The following SPTB variants were observed in gnomAD, a reference collection of about 807,000 sequenced individuals.
SPTB encodes the protein spectrin beta chain, erythrocytic.
Under a neutral mutation model 256.2 loss-of-function variants are expected in SPTB, and 45 were observed. The observed-to-expected ratio is 0.18, with a 90% CI of 0.14 to 0.23. The LOEUF (loss-of-function observed/expected upper bound fraction) is 0.23, where lower values mean the gene tolerates loss of function less well. Among genes scored for constraint, SPTB ranks in the 10% least tolerant of loss-of-function variants. SPTB has a pLI of 1.00. For synonymous variants in SPTB, 1,231 were observed against 1,243.1 expected (o/e 0.99, Z 0.21); for missense variants, 2,715 against 3,040.4 (o/e 0.89, Z 2.52).
At chr14:64,822,909 T>G (rs1014127054) in intron 2 of SPTB, 38 bp downstream of exon 2, 24 of 1,612,090 alleles carry the variant, frequency 1.5e-5, no homozygotes, top group Non-Finnish European at 2.0e-5. Context: ...CTTGTGACTG[T>G]GAGAATGCCC....
Position 64,801,416 on chromosome 14 carries a change from G to A in SPTB, c.648-16C>T. Reference sequence around the variant, plus strand: ...CAGGTCGGGCCTGGGGACAAAACTGGACTGTGAAAAGGGAGTAGCCACAGC... The same window carrying A: ...CAGGTCGGGCCTGGGGACAAAACTGAACTGTGAAAAGGGAGTAGCCACAGC... On this transcript the variant is annotated splice_polypyrimidine_tract_variant and intron_variant, in intron 6 of 35. Coordinates refer to ENST00000644917, the MANE Select transcript of SPTB (RefSeq NM_001355436.2). 1 of 1,598,712 alleles carries A rather than the reference G, an allele frequency of 6.3e-7. No homozygotes were observed. The highest frequency in any genetic ancestry group is 1.1e-5 in the South Asian group (1 of 90,760).
intron 15 of SPTB, among the ~76,000 whole-genome samples, chr14:64,789,870 T>C (rs1256856003): frequency 6.6e-6 from 1 of 151,948 alleles, no homozygotes; most frequent in Non-Finnish European, 1.5e-5. Flanking sequence ...GGATTTGGAA[T>C]ATGTAGAGGG....
In SPTB at chr14:64,795,217, A is replaced by G. The variant is rs924759152; in HGVS notation, c.1644+120T>C. 2 of 1,211,530 alleles carry G rather than the reference A, an allele frequency of 1.7e-6. No individual in the cohort carries two copies. Among genetic ancestry groups the G allele is most frequent in the Admixed American group, 4.4e-5 (2 of 45,558 alleles). The allele number at this position is 1,211,530 out of a possible 1,614,324, so 75.0% of individuals were successfully genotyped here. A position where few individuals can be genotyped will look rare whatever the true frequency, so the allele number is the denominator to read the frequency against. ...GACACTTTGCTGCCTCAGTTTCTCTATTTTGACTCAGAGATATGACTGGCT... is the reference window on the plus strand; with the variant it reads ...GACACTTTGCTGCCTCAGTTTCTCTGTTTTGACTCAGAGATATGACTGGCT... On this transcript the variant is annotated intron_variant, in intron 12 of 35. Coordinates refer to ENST00000644917, the MANE Select transcript of SPTB (RefSeq NM_001355436.2). The surrounding 1 kb of genome is among the most constrained non-coding windows in gnomAD (Gnocchi z 6.5).
At position 64,793,777 on chromosome 14, in the gene SPTB, C is replaced by A; in HGVS notation, c.1886G>T (p.Arg629Leu). ...TTTGGACTGCTCCAGTTGGGCCTTC[C>A]GCCCAGCTGCCATGTTGCTCAGCTC... ...FEELSNMAAG[R>L]KAQLEQSKRL... The change falls in exon 14 of 36, where the codon CGG (arginine) becomes CTG (leucine). Residue 629 changes from arginine to leucine, a missense_variant. Transcript: ENST00000644917. This position sits in a 1 kb window ranked among gnomAD's most constrained non-coding sequence, Gnocchi z 7.0. 1 of 1,613,982 alleles carries A rather than the reference C, an allele frequency of 6.2e-7. No individual in the cohort carries two copies. Among genetic ancestry groups the A allele is most frequent in the Non-Finnish European group, 8.5e-7 (1 of 1,180,034 alleles).
At chr14:64,776,350 A>G (rs1741490) in intron 22 of SPTB, among the ~76,000 whole-genome samples, 26,797 of 152,164 alleles carry the variant, frequency 0.18, 2,426 homozygotes, top group African/African-American at 0.2. Flanking sequence ...ACAATTTCCT[A>G]TAGTCTCTGC....
At position 64,789,329 on chromosome 14, in the gene SPTB, G is replaced by A. The variant is rs532759866; in HGVS notation, c.2805-2169C>T. ...ATTGTACCACTGCACTCCAGCCTGG[G>A]TAATGGAGTGAGATTCTGTCTCTAT... On this transcript the variant is annotated intron_variant, in intron 15 of 35. Coordinates refer to ENST00000644917, the MANE Select transcript of SPTB (RefSeq NM_001355436.2). Among the ~76,000 whole-genome samples, 38 of 152,304 alleles carry A rather than the reference G, an allele frequency of 2.5e-4. 3 individuals carry two copies. Among genetic ancestry groups the A allele is most frequent in the Admixed American group, 2.3e-3 (35 of 15,308 alleles).
At position 64,790,905 on chromosome 14, in the gene SPTB, G is replaced by T. The variant is rs1451812846; in HGVS notation, c.2804+814C>A. 6.6e-6 allele frequency among the ~76,000 whole-genome samples: 1 copy of T among 152,122 alleles called. No homozygotes were observed. The highest frequency in any genetic ancestry group is 1.5e-5 in the Non-Finnish European group (1 of 68,020). On this transcript the variant is annotated intron_variant, in intron 15 of 35. Transcript: ENST00000644917. The surrounding 1 kb of genome is among the most constrained non-coding windows in gnomAD (Gnocchi z 4.8). ...TCCTTGGGGCCTATTTTTTGTTCTG[G>T]CCACAAAGCTTGCTTAAGGCTCCCT...
chr14:64,803,736 A>T lies in SPTB; in HGVS notation c.345T>A (p.Asn115Lys). The change falls in exon 4 of 36, where the codon AAT becomes AAA. Residue 115 changes from asparagine to lysine, a missense_variant. Asn to Lys is a moderately conservative substitution (Grantham distance 94, BLOSUM62 0). Transcript: ENST00000644917. ...KGKMRIHCLENVDKALQFLKE... is the reference protein window; with the variant it reads ...KGKMRIHCLEKVDKALQFLKE... Reference sequence around the variant, plus strand: ...TGAGGAACTGGAGAGCCTTGTCCACATTCTCCAGGCAGTGGATGCGCATCT... The same window carrying T: ...TGAGGAACTGGAGAGCCTTGTCCACTTTCTCCAGGCAGTGGATGCGCATCT... 6 of 1,614,038 alleles carry T rather than the reference A, an allele frequency of 3.7e-6. No individual in the cohort carries two copies. Among genetic ancestry groups the T allele is most frequent in the Non-Finnish European group, 5.1e-6 (6 of 1,179,986 alleles).
rs750047494 is a variant in SPTB, at chr14:64,749,974, G to C, written c.6776+7C>G. The C allele has an allele frequency of 9.3e-6, 15 of 1,614,206 alleles. No homozygotes were observed. The Admixed American group carries it at 1.3e-4, about 14-fold the overall frequency. On this transcript the variant is annotated splice_region_variant and intron_variant, in intron 34 of 35. Transcript: ENST00000644917. This position sits in a 1 kb window ranked among gnomAD's most constrained non-coding sequence, Gnocchi z 4.7. The stretch of plus-strand genomic sequence containing the variant: ...ACCCGAGCTTTCAAAGGCCAGGAAG[G>C]CCTCACCTCAGCTTAAAGACGTGCT...
intron 32 of SPTB, among the ~76,000 whole-genome samples, chr14:64,763,459 G>A (rs919445798): frequency 2.6e-5 from 4 of 152,212 alleles, no homozygotes; most frequent in African/African-American, 4.8e-5. Flanking sequence ...AGACCAGCCA[G>A]GTACCACAGC....
At chr14:64,767,988 C>T (rs1214317256) in intron 29 of SPTB, 129 bp from the exon 30 acceptor site, 7 of 992,888 alleles carry the variant, frequency 7.1e-6, no homozygotes, top group South Asian at 1.4e-5. Context: ...CACATGGATA[C>T]GCTTGCTGCC....
At chr14:64,854,889 T>A (rs1017402664) in intron 1 of SPTB, among the ~76,000 whole-genome samples, 4 of 152,174 alleles carry the variant, frequency 2.6e-5, no homozygotes, top group Non-Finnish European at 5.9e-5. Context: ...ACAAATGAGT[T>A]CTCTGTGCAC....
rs1223429889 is a variant in SPTB at position 64,841,956 on chromosome 14, G to A, written c.-51-18811C>T. 6.6e-6 allele frequency among the ~76,000 whole-genome samples: 1 copy of A among 152,200 alleles called. No homozygotes were observed. The highest frequency in any genetic ancestry group is 2.4e-5 in the African/African-American group (1 of 41,458). On this transcript the variant is annotated intron_variant, in intron 1 of 35. Transcript: ENST00000644917. The surrounding 1 kb of genome is among the most constrained non-coding windows in gnomAD (Gnocchi z 4.6). ...CCGGGACAAGAGCACCCCCAGTTCT[G>A]AGCACAGTAACTGGGCTACTCAGAA... is the stretch of plus-strand genomic sequence containing the variant.
At chr14:64,829,942 T>C (rs2083427691) in intron 1 of SPTB, among the ~76,000 whole-genome samples, 1 of 152,088 alleles carries the variant, frequency 6.6e-6, no homozygotes, top group Admixed American at 6.5e-5. Flanking sequence ...GTCTTGTGCA[T>C]GCCATGCCCT....
Position 64,766,753 on chromosome 14 carries a change from G to T in SPTB, c.6318C>A (p.His2106Gln). ...GGGACGTTCTCTCGGTGGCCGCATG[G>T]TGGGAAACTGGAGCCTCCCCTGCTG... is the stretch of plus-strand genomic sequence containing the variant. ...GETAGEAPVS[H>Q]HAATERTSPG... The change falls in exon 32 of 36, where the codon CAC (histidine) becomes CAA (glutamine). Residue 2106 changes from histidine (H) to glutamine (Q), a missense_variant. By Grantham distance (24) the His-to-Gln change is conservative (BLOSUM62 0). This residue lies in a region of SPTB where 2,239 missense variants were observed against 2,384.4 expected (regional missense o/e 0.94). Transcript: ENST00000644917. The T allele has an allele frequency of 6.3e-7, 1 of 1,582,838 alleles. No individual in the cohort carries two copies. Among genetic ancestry groups the T allele is most frequent in the East Asian group, 2.3e-5 (1 of 43,772 alleles).
At chr14:64,783,465 G>A (rs2082509347) in intron 19 of SPTB, among the ~76,000 whole-genome samples, 1 of 152,188 alleles carries the variant, frequency 6.6e-6, no homozygotes, top group Non-Finnish European at 1.5e-5. Context: ...GCCTCCCAAA[G>A]TGCTGGGATT....
chr14:64,800,742 A>G lies in SPTB; in HGVS notation c.876+14T>C, dbSNP rs755568391. On this transcript the variant is annotated intron_variant, in intron 8 of 35. Transcript: ENST00000644917. ...AGGGGAAGAGTGACACTTTGGTTCC[A>G]AAACAGCTTGTACCTTGCCGACACG... The G allele has an allele frequency of 6.2e-7, 1 of 1,612,442 alleles. No individual in the cohort carries two copies. Among genetic ancestry groups the G allele is most frequent in the Non-Finnish European group, 8.5e-7 (1 of 1,178,586 alleles).
Position 64,782,393 on chromosome 14 carries a change from T to C in SPTB, c.4163A>G (p.His1388Arg), listed in dbSNP as rs1405959110. 8.1e-6 allele frequency: 13 copies of C among 1,614,056 alleles called. No homozygotes were observed. Among genetic ancestry groups the C allele is most frequent in the Non-Finnish European group, 1.1e-5 (13 of 1,180,038 alleles). The change falls in exon 20 of 36, where the codon CAT becomes CGT. Residue 1388 changes from histidine (H) to arginine (R), a missense_variant. This residue lies in a region of SPTB where 2,239 missense variants were observed against 2,384.4 expected (regional missense o/e 0.94). Coordinates refer to ENST00000644917, the MANE Select transcript of SPTB (RefSeq NM_001355436.2). ...ARSSDLRLQTHADLNKWISAM... is the reference protein window; with the variant it reads ...ARSSDLRLQTRADLNKWISAM... ...GCTGATCCACTTGTTGAGGTCAGCA[T>C]GGGTCTGCAAGCGCAGGTCGGAGCT...
At chr14:64,877,323 T>C (rs1233739425) in intron 1 of SPTB, among the ~76,000 whole-genome samples, 1 of 152,184 alleles carries the variant, frequency 6.6e-6, no homozygotes, top group Non-Finnish European at 1.5e-5. Flanking sequence ...AACTATTACC[T>C]GAGGTCCTGG....
Sources: gnomAD v4.1 joint callset for allele counts (sites outside exome capture counted in the v4.1 genomes callset) on GRCh38, gnomAD v4.1.1 for gene constraint, gnomAD v4.1.1 regional missense constraint, Gnocchi (gnomAD v3.1) non-coding constraint, MANE v1.5 for transcripts, NCBI Gene and HGNC (gene_info 2026-07-23, HGNC 2026-07-21) for gene names.